Variants in ZNF713 observed in about 807,000 individuals in gnomAD.
The protein encoded by ZNF713 is zinc finger protein 713.
A neutral mutation model predicts 28.7 loss-of-function variants in ZNF713; 21 were observed. That is an observed-to-expected ratio of 0.73 (90% CI 0.52 to 1.05). ZNF713 has a LOEUF of 1.05. Among genes scored for constraint, ZNF713 ranks in the 50% least tolerant of loss-of-function variants. ZNF713 has a pLI of 0.00. For missense variants in ZNF713, 458 were observed against 532.4 expected (o/e 0.86, Z 1.37); for synonymous variants, 167 against 178.0 (o/e 0.94, Z 0.49).
At chr7:55,919,780 A>G (rs542500506) in intron 4 of ZNF713, among the ~76,000 whole-genome samples, 10 of 152,222 alleles carry the variant, frequency 6.6e-5, no homozygotes, top group Non-Finnish European at 1.0e-4. Context: ...CATTCGTGCA[A>G]TCTTCATCCA....
At position 55,939,516 on chromosome 7, in the gene ZNF713, C is replaced by T; in HGVS notation, c.842C>T (p.Thr281Ile). The T allele has an allele frequency of 2.5e-6, 4 of 1,614,002 alleles. No individual in the cohort carries two copies. Among genetic ancestry groups the T allele is most frequent in the Non-Finnish European group, 3.4e-6 (4 of 1,179,966 alleles). The stretch of plus-strand genomic sequence containing the variant: ...CTTAGCCAGCCTCAGATGTTGCTTA[C>T]AGGAGAGAAGCCCTATAAGTGTGAT... Reference protein sequence around the residue: ...SSLSQPQMLLTGEKPYKCDEC... With the variant: ...SSLSQPQMLLIGEKPYKCDEC... Residue 281 changes from threonine (T) to isoleucine (I), a missense_variant, in exon 7 of 7, where the codon ACA (threonine) becomes ATA (isoleucine). Thr to Ile is a moderately conservative substitution (Grantham distance 89). Coordinates refer to ENST00000429591, the MANE Select transcript of ZNF713 (RefSeq NM_182633.3).
Position 55,937,328 on chromosome 7 carries a change from TA to T in ZNF713, c.308-1646del, listed in dbSNP as rs574700240. The stretch of plus-strand genomic sequence containing the variant: ...ATAAAATTAAAATTAAAATTAAAAT[TA>T]AAAAAAACTACAGTGAGTGAGTGAG... On this transcript the variant is annotated intron_variant, in intron 6 of 6. Transcript: ENST00000429591. 6.7e-5 allele frequency among the ~76,000 whole-genome samples: 10 copies of T among 150,146 alleles called. No homozygotes were observed. The South Asian group carries it at 1.7e-3, about 25-fold the overall frequency.
chr7:55,915,941 A>G (rs767304740), intron 4 of ZNF713, among the ~76,000 whole-genome samples: 4 of 152,252 alleles, frequency 2.6e-5, no homozygotes, highest in Non-Finnish European at 5.9e-5. Context: ...TGAAAGGAGA[A>G]AAACCAGTTA....
intron 1 of ZNF713, among the ~76,000 whole-genome samples, chr7:55,904,272 G>A (rs1429641909): frequency 1.8e-5 from 2 of 111,648 alleles, no homozygotes; most frequent in Admixed American, 1.7e-4. Flanking sequence ...AACCAGCCTC[G>A]GCAACGTGGT....
At chr7:55,927,496 C>G (rs1786118715) in intron 6 of ZNF713, among the ~76,000 whole-genome samples, 1 of 152,088 alleles carries the variant, frequency 6.6e-6, no homozygotes, top group Admixed American at 6.5e-5. Context: ...GCACTCCAGC[C>G]TGGGCAATAG....
At chr7:55,890,739 G>T (rs1434313169) in intron 1 of ZNF713, among the ~76,000 whole-genome samples, 1 of 152,054 alleles carries the variant, frequency 6.6e-6, no homozygotes, top group Non-Finnish European at 1.5e-5. Context: ...TTAAGGAGAG[G>T]CTGGACGTGG....
intron 1 of ZNF713, among the ~76,000 whole-genome samples, chr7:55,893,886 T>G (rs1334358740): frequency 1.3e-5 from 2 of 152,122 alleles, no homozygotes; most frequent in Non-Finnish European, 2.9e-5. Flanking sequence ...GGCCAAGGGT[T>G]GTTGTTTCTA....
At chr7:55,889,878 CTG>C (rs1785347472) in intron 1 of ZNF713, among the ~76,000 whole-genome samples, 1 of 152,164 alleles carries the variant, frequency 6.6e-6, no homozygotes. Context: ...TCTTTGGTGA[CTG>C]TCATAGCCTG....
At chr7:55,902,355 T>G (rs1163556692) in intron 1 of ZNF713, among the ~76,000 whole-genome samples, 1 of 152,234 alleles carries the variant, frequency 6.6e-6, no homozygotes, top group African/African-American at 2.4e-5. Flanking sequence ...CATTGGTAAG[T>G]ATACAAGAGC....
intron 1 of ZNF713, among the ~76,000 whole-genome samples, chr7:55,903,631 C>G (rs1377387084): frequency 6.7e-6 from 1 of 148,492 alleles, no homozygotes; most frequent in African/African-American, 2.5e-5. Context: ...CGTGCCCCTG[C>G]ACTCCAGCCT....
rs183451348 is a variant in ZNF713 at position 55,925,412 on chromosome 7, A to G, written c.307+1713A>G. ...CCGAGGCGGGCAGATCACGAGGTCA[A>G]GAGATCGAGACCATCCTGGCCAACA... On this transcript the variant is annotated intron_variant, in intron 6 of 6. Coordinates refer to ENST00000429591, the MANE Select transcript of ZNF713 (RefSeq NM_182633.3). Among the ~76,000 whole-genome samples the G allele has an allele frequency of 2.5e-3, 386 of 152,170 alleles. 2 individuals carry two copies. The highest frequency in any genetic ancestry group is 0.014 in the Middle Eastern group (4 of 294).
At chr7:55,912,373 G>A (rs1362327329) in intron 3 of ZNF713, among the ~76,000 whole-genome samples, 1 of 151,932 alleles carries the variant, frequency 6.6e-6, no homozygotes, top group Non-Finnish European at 1.5e-5. Flanking sequence ...TTTTTAAATT[G>A]CCATCAGTAT....
At chr7:55,911,397 G>C (rs1304849383) in intron 2 of ZNF713, among the ~76,000 whole-genome samples, 1 of 152,214 alleles carries the variant, frequency 6.6e-6, no homozygotes. Flanking sequence ...GAAAAGGACT[G>C]AGGCTGAATT....
At chr7:55,926,860 GTGGCTCA>G (rs1163690858) in intron 6 of ZNF713, among the ~76,000 whole-genome samples, 1 of 152,222 alleles carries the variant, frequency 6.6e-6, no homozygotes, top group Admixed American at 6.5e-5. Context: ...GCCGGGCACA[GTGGCTCA>G]TGGCTCATGC....
chr7:55,932,809 G>A (rs1786263297), intron 6 of ZNF713, among the ~76,000 whole-genome samples: 1 of 134,304 alleles, frequency 7.4e-6, no homozygotes, highest in Non-Finnish European at 1.6e-5. Flanking sequence ...GCGTGAACCC[G>A]GGAAGCGGAG....
chr7:55,937,447 G>A (rs901645907), intron 6 of ZNF713, among the ~76,000 whole-genome samples: 2 of 152,130 alleles, frequency 1.3e-5, no homozygotes, highest in African/African-American at 4.8e-5. Context: ...TCGGGGAGCG[G>A]CTCAGGCAGG....
chr7:55,890,899 T>G (rs899471854), intron 1 of ZNF713, among the ~76,000 whole-genome samples: 3 of 149,992 alleles, frequency 2.0e-5, no homozygotes, highest in African/African-American at 7.4e-5. Context: ...GTGCCTGAGG[T>G]AGGAGAATTG....
intron 1 of ZNF713, among the ~76,000 whole-genome samples, chr7:55,889,209 C>G (rs562980456): frequency 1.3e-5 from 2 of 150,786 alleles, no homozygotes; most frequent in Admixed American, 6.6e-5. Context: ...TCAAATGATT[C>G]TCCTGTCTCA....
At chr7:55,927,751 G>A (rs1451113401) in intron 6 of ZNF713, among the ~76,000 whole-genome samples, 2 of 151,712 alleles carry the variant, frequency 1.3e-5, no homozygotes, top group Non-Finnish European at 2.9e-5. Context: ...ACAAAAATTA[G>A]CTGGGCTTGG....
Sources: allele counts gnomAD v4.1 joint callset (sites outside exome capture counted in the v4.1 genomes callset), GRCh38; gene constraint gnomAD v4.1.1; transcripts MANE v1.5; gene names NCBI Gene and HGNC (gene_info 2026-07-23, HGNC 2026-07-21).